DIS3L2: variants seen among roughly 807,000 people sequenced by gnomAD.
DIS3L2 encodes DIS3 like 3'-5' exoribonuclease 2, also known as DIS3-like exonuclease 2.
A neutral mutation model predicts 97.5 loss-of-function variants in DIS3L2; 34 were observed. The observed-to-expected ratio is 0.35, with a 90% CI of 0.27 to 0.46. The LOEUF (loss-of-function observed/expected upper bound fraction) is 0.46. Among genes scored for constraint, DIS3L2 ranks in the 20% least tolerant of loss-of-function variants. The probability of loss-of-function intolerance (pLI) is 1.00; values close to 1 mark genes in which losing one functional copy is unlikely to be tolerated. For missense variants in DIS3L2, 1,038 were observed against 1,146.0 expected, an observed-to-expected ratio of 0.91 and a Z score of 1.36; for synonymous variants, 435 against 445.2, an observed-to-expected ratio of 0.98 and a Z score of 0.29.
chr2:231,988,174 A>G (rs1033301305), intron 1 of DIS3L2, among the ~76,000 whole-genome samples: 5 of 152,154 alleles, frequency 3.3e-5, no homozygotes, highest in African/African-American at 1.2e-4. Context: ...TCTGCTGTCT[A>G]CCTGACGTTT....
intron 12 of DIS3L2, among the ~76,000 whole-genome samples, chr2:232,260,990 A>G (rs1300775879): frequency 1.3e-5 from 2 of 152,206 alleles, no homozygotes; most frequent in African/African-American, 4.8e-5. Flanking sequence ...CCAGGTTAAA[A>G]GGTAAAATGT....
intron 3 of DIS3L2, among the ~76,000 whole-genome samples, chr2:232,018,867 T>C (rs1277705324): frequency 6.6e-6 from 1 of 152,126 alleles, no homozygotes; most frequent in Non-Finnish European, 1.5e-5. Context: ...CATGTACATG[T>C]AGTTTTGAAG....
At chr2:232,181,389 T>A (rs982675253) in intron 9 of DIS3L2, among the ~76,000 whole-genome samples, 2 of 152,218 alleles carry the variant, frequency 1.3e-5, no homozygotes, top group Non-Finnish European at 2.9e-5. Flanking sequence ...TTCTCCTGGA[T>A]GATATCCTGC....
intron 8 of DIS3L2, 139 bp downstream of exon 8, chr2:232,136,858 T>G: frequency 8.9e-7 from 1 of 1,127,038 alleles, no homozygotes; most frequent in Admixed American, 2.9e-5. Flanking sequence ...TCCTGATTCT[T>G]CAGAAGTCAC....
intron 13 of DIS3L2, among the ~76,000 whole-genome samples, chr2:232,278,145 T>G (rs1045193187): frequency 2.0e-4 from 30 of 152,122 alleles, no homozygotes; most frequent in African/African-American, 6.8e-4. Flanking sequence ...GTTTCATTAT[T>G]GCTTTGACTC....
chr2:232,028,708 AT>A (rs1182864188), intron 4 of DIS3L2, among the ~76,000 whole-genome samples: 1 of 152,182 alleles, frequency 6.6e-6, no homozygotes, highest in East Asian at 1.9e-4. Flanking sequence ...AAAGGCAGCA[AT>A]AGATGGTGAT....
chr2:232,098,478 C>G (rs1211279433), intron 6 of DIS3L2, among the ~76,000 whole-genome samples: 1 of 151,808 alleles, frequency 6.6e-6, no homozygotes, highest in Non-Finnish European at 1.5e-5. Context: ...CTCAGCTTCC[C>G]GAGTAGCTGG....
intron 6 of DIS3L2, among the ~76,000 whole-genome samples, chr2:232,108,757 CCAA>C (rs1339915292): frequency 6.6e-6 from 1 of 152,148 alleles, no homozygotes; most frequent in Admixed American, 6.5e-5. Flanking sequence ...TTCCTTTACA[CCAA>C]CAACAGGCAA....
chr2:232,310,379 C>T (rs2106329907), intron 14 of DIS3L2, among the ~76,000 whole-genome samples: 1 of 152,304 alleles, frequency 6.6e-6, no homozygotes, highest in South Asian at 2.1e-4. Context: ...ACTGTTCCAC[C>T]ACAGCCGTTA....
At position 232,299,991 on chromosome 2, in the gene DIS3L2, A is replaced by G. The variant is rs371856740; in HGVS notation, c.1660-49A>G. On this transcript the variant is annotated intron_variant, in intron 13 of 20. Coordinates refer to ENST00000325385, the MANE Select transcript of DIS3L2 (RefSeq NM_152383.5). The stretch of plus-strand genomic sequence containing the variant: ...TTTTTTCATTTCAGCTATTGGAATG[A>G]ATAGAGCATGCTGCCTAAAACTTCT... The G allele has an allele frequency of 6.8e-5, 106 of 1,560,602 alleles. 1 individual carries two copies. The highest frequency in any genetic ancestry group is 8.5e-5 in the Non-Finnish European group (96 of 1,132,970).
At chr2:232,343,645 A>G in exon 14 of DIS3L2, 1 of 1,486,712 alleles carries the variant, frequency 6.7e-7, no homozygotes, top group Non-Finnish European at 9.2e-7. Context: ...GTAAAGGCTG[A>G]AAAGGCCAGA....
chr2:231,989,174 A>G (rs1693510570), intron 1 of DIS3L2, among the ~76,000 whole-genome samples: 1 of 152,214 alleles, frequency 6.6e-6, no homozygotes, highest in South Asian at 2.1e-4. Context: ...GTATCACAGC[A>G]TGAAATTTGG....
At position 232,335,700 on chromosome 2, in the gene DIS3L2, G is replaced by A. The variant is rs973282941; in HGVS notation, c.2395-73G>A. On this transcript the variant is annotated intron_variant, in intron 19 of 20. Transcript: ENST00000325385. ...GGGCTGAGGGCCGCCTCCAAGCATT[G>A]AAGCCCTCCAGGGTGGAAGGGCAGG... 16 of 1,498,428 alleles carry A rather than the reference G, an allele frequency of 1.1e-5. No individual in the cohort carries two copies. In the African/African-American group the frequency reaches 2.2e-4, roughly 21 times the overall value. The allele number at this position is 1,498,428 out of a possible 1,614,324, so 92.8% of individuals were successfully genotyped here. A position where few individuals can be genotyped will look rare whatever the true frequency, so the allele number is the denominator to read the frequency against.
chr2:232,290,657 C>G (rs1474282476), intron 13 of DIS3L2, among the ~76,000 whole-genome samples: 2 of 152,290 alleles, frequency 1.3e-5, no homozygotes, highest in South Asian at 2.1e-4. Flanking sequence ...TTGAAGAATC[C>G]TTGTCCTGTC....
At chr2:232,263,856 C>A (rs755458318) in intron 13 of DIS3L2, among the ~76,000 whole-genome samples, 1 of 152,174 alleles carries the variant, frequency 6.6e-6, no homozygotes, top group Admixed American at 6.5e-5. Context: ...TGACCAGTAT[C>A]TGATACGAAG....
intron 19 of DIS3L2, chr2:232,334,968 C>T (rs531272994): frequency 1.7e-4 from 90 of 538,856 alleles, no homozygotes; most frequent in South Asian, 1.6e-3. Flanking sequence ...AGAGCAGGCC[C>T]CTCCATGGCC....
At chr2:232,302,504 A>C (rs1335633105) in intron 14 of DIS3L2, among the ~76,000 whole-genome samples, 1 of 151,404 alleles carries the variant, frequency 6.6e-6, no homozygotes, top group Non-Finnish European at 1.5e-5. Flanking sequence ...CAATCTTTAG[A>C]CAACTTTCCT....
intron 13 of DIS3L2, among the ~76,000 whole-genome samples, chr2:232,272,291 C>G (rs919807702): frequency 1.3e-5 from 2 of 152,178 alleles, no homozygotes; most frequent in African/African-American, 4.8e-5. Context: ...TGTGAAGGAG[C>G]CTTAGGCAGC....
rs565509971 is a variant in DIS3L2 at position 232,053,888 on chromosome 2, A to G, written c.366+23808A>G. Among the ~76,000 whole-genome samples the G allele has an allele frequency of 7.9e-5, 12 of 152,282 alleles. No individual in the cohort carries two copies. In the East Asian group the frequency reaches 2.3e-3, roughly 29 times the overall value. On this transcript the variant is annotated intron_variant, in intron 5 of 20. Transcript: ENST00000325385. ...GGGATGATTGATTAAATCATTGGCC[A>G]TTGAACTCAATCTCCAGCCCCTCGT... is the stretch of plus-strand genomic sequence containing the variant.
Sources: allele counts gnomAD v4.1 joint callset (sites outside exome capture counted in the v4.1 genomes callset), GRCh38; gene constraint gnomAD v4.1.1; transcripts MANE v1.5; gene names NCBI Gene and HGNC (gene_info 2026-07-23, HGNC 2026-07-21).